Variants in TRNAU1AP observed in about 807,000 individuals in gnomAD.
TRNAU1AP encodes the protein tRNA selenocysteine 1-associated protein 1.
In TRNAU1AP, 33 loss-of-function variants were observed where a neutral mutation model predicts 43.3. That is an observed-to-expected ratio of 0.76 (90% confidence interval 0.58 to 1.02). The LOEUF is 1.02. Among genes scored for constraint, TRNAU1AP ranks in the 50% least tolerant of loss-of-function variants. The probability of loss-of-function intolerance (pLI) is 0.00; values close to 1 mark genes in which losing one functional copy is unlikely to be tolerated. For missense variants in TRNAU1AP, 290 were observed against 362.7 expected, an observed-to-expected ratio of 0.80 and a Z score of 1.63; for synonymous variants, 143 against 129.1, an observed-to-expected ratio of 1.11 and a Z score of -0.73.
intron 6 of TRNAU1AP, 30 bp from the exon 7 acceptor site, chr1:28,571,146 C>T (rs1665653774): frequency 1.2e-6 from 2 of 1,610,406 alleles, no homozygotes; most frequent in South Asian, 1.1e-5. Flanking sequence ...TGTTTGCTTA[C>T]ACTTATTTTT....
chr1:28,571,807 C>G, intron 7 of TRNAU1AP, 60 bp from the exon 8 acceptor site: 1 of 1,329,958 alleles, frequency 7.5e-7, no homozygotes, highest in Non-Finnish European at 1.1e-6. Context: ...ATATAAGCCA[C>G]TGTGGTCCTG....
rs202229934 is a variant in TRNAU1AP, at chr1:28,577,600, G to A, written c.828G>A (p.Leu276=). The A allele has an allele frequency of 4.3e-6, 7 of 1,614,150 alleles. No homozygotes were observed. The East Asian group carries it at 1.1e-4, about 26-fold the overall frequency. ...TGATGGACTGTCACTGGCAGCCCCT[G>A]GACACAGTGTCTTCAGAGATCCCTG... ...DALMDCHWQP[L]DTVSSEIPAM... is the part of the protein sequence containing the mutation. The change falls in exon 9 of 9, where the codon CTG becomes CTA. Residue 276 remains leucine (L), a synonymous_variant. Coordinates refer to ENST00000373830, the MANE Select transcript of TRNAU1AP (RefSeq NM_017846.5).
intron 8 of TRNAU1AP, among the ~76,000 whole-genome samples, chr1:28,573,178 C>T (rs905522303): frequency 2.0e-5 from 3 of 149,814 alleles, no homozygotes; most frequent in African/African-American, 7.3e-5. Context: ...GGATTTCAGG[C>T]ACATGCCACC....
chr1:28,572,813 T>G (rs1665690191), intron 8 of TRNAU1AP, among the ~76,000 whole-genome samples: 1 of 151,206 alleles, frequency 6.6e-6, no homozygotes, highest in Non-Finnish European at 1.5e-5. Context: ...TGGGCGCCTG[T>G]AGTCCCAGCT....
chr1:28,570,156 C>T (rs1284833866), intron 6 of TRNAU1AP, among the ~76,000 whole-genome samples: 1 of 152,036 alleles, frequency 6.6e-6, no homozygotes, highest in Admixed American at 6.5e-5. Flanking sequence ...GCTAAAAGTA[C>T]AAAAATTAGC....
chr1:28,559,517 A>G (rs537932356), intron 2 of TRNAU1AP, among the ~76,000 whole-genome samples: 26 of 152,074 alleles, frequency 1.7e-4, no homozygotes, highest in African/African-American at 5.3e-4. Context: ...AATTCCAGCT[A>G]CTTGGGAGGC....
chr1:28,574,732 C>CA (rs1201205134), intron 8 of TRNAU1AP: 3 of 152,134 alleles, frequency 2.0e-5, no homozygotes, highest in Non-Finnish European at 4.4e-5. Context: ...CAAAAAGACT[C>CA]AAAGTTTGAA....
intron 4 of TRNAU1AP, among the ~76,000 whole-genome samples, chr1:28,563,472 C>G (rs1018854460): frequency 1.3e-5 from 2 of 151,862 alleles, no homozygotes; most frequent in Non-Finnish European, 2.9e-5. Context: ...CACCTGCGGT[C>G]GGGAGTTCGA....
At chr1:28,574,698 C>G (rs1484348694) in intron 8 of TRNAU1AP, 1 of 152,200 alleles carries the variant, frequency 6.6e-6, no homozygotes, top group African/African-American at 2.4e-5. Flanking sequence ...GCCACTGCTC[C>G]TGGCCAAAAC....
intron 2 of TRNAU1AP, among the ~76,000 whole-genome samples, chr1:28,559,348 G>T (rs891478778): frequency 2.0e-5 from 3 of 152,144 alleles, no homozygotes; most frequent in Non-Finnish European, 2.9e-5. Flanking sequence ...ATATTCTGAG[G>T]CTGGGTGCGG....
intron 6 of TRNAU1AP, among the ~76,000 whole-genome samples, chr1:28,570,711 CCT>C (rs1490200758): frequency 6.6e-6 from 1 of 152,096 alleles, no homozygotes; most frequent in Non-Finnish European, 1.5e-5. Flanking sequence ...AATTACTTAA[CCT>C]CTCTGTTCCT....
intron 2 of TRNAU1AP, among the ~76,000 whole-genome samples, chr1:28,557,423 AAAAAG>A (rs1158915354): frequency 1.3e-5 from 2 of 151,672 alleles, no homozygotes; most frequent in African/African-American, 2.4e-5. Flanking sequence ...CTGTCTCAAA[AAAAAG>A]AAAAGAAATA....
In TRNAU1AP at chr1:28,567,331, C is replaced by G; in HGVS notation, c.448C>G (p.Gln150Glu). ...TGTGAAATTCACAGATGAACTGGAACAGAAGCGAGCCCTGACGGAGTGCCA... is the reference window on the plus strand; with the variant it reads ...TGTGAAATTCACAGATGAACTGGAAGAGAAGCGAGCCCTGACGGAGTGCCA... ...GFVKFTDELE[Q>E]KRALTECQGA... is the part of the protein sequence containing the mutation. The change falls in exon 6 of 9, where the codon CAG becomes GAG. Residue 150 changes from glutamine (Q) to glutamate (E), a missense_variant. Transcript: ENST00000373830. 3 of 1,613,796 alleles carry G rather than the reference C, an allele frequency of 1.9e-6. No individual in the cohort carries two copies. The highest frequency in any genetic ancestry group is 2.5e-6 in the Non-Finnish European group (3 of 1,179,946).
intron 8 of TRNAU1AP, 150 bp downstream of exon 8, chr1:28,572,050 G>A: frequency 1.3e-6 from 1 of 749,648 alleles, no homozygotes; most frequent in South Asian, 1.6e-5. Flanking sequence ...ATGTAATTAT[G>A]GTAAGATGTG....
chr1:28,561,302 A>G (rs1185493584), intron 3 of TRNAU1AP, 44 bp from the exon 4 acceptor site: 1 of 1,612,908 alleles, frequency 6.2e-7, no homozygotes, highest in Non-Finnish European at 8.5e-7. Flanking sequence ...TCAACTCTTG[A>G]AACACCTTTC....
At position 28,571,334 on chromosome 1, in the gene TRNAU1AP, T is replaced by G; in HGVS notation, c.689T>G (p.Met230Arg). ...CAGTATGGCTATACCCAGAGCACCA[T>G]GCAGGTAACCATGACTTGGCAAGAC... ...YPQYGYTQSTMQTYEEVGDDA... is the reference protein window; with the variant it reads ...YPQYGYTQSTRQTYEEVGDDA... Residue 230 changes from methionine (M) to arginine (R), a missense_variant, in exon 7 of 9, where the codon ATG becomes AGG. By Grantham distance (91) the Met-to-Arg change is moderately conservative. Transcript: ENST00000373830. 1 of 1,613,842 alleles carries G rather than the reference T, an allele frequency of 6.2e-7. No individual in the cohort carries two copies. The highest frequency in any genetic ancestry group is 8.5e-7 in the Non-Finnish European group (1 of 1,179,812).
intron 2 of TRNAU1AP, among the ~76,000 whole-genome samples, chr1:28,559,250 T>G (rs1386159869): frequency 6.6e-6 from 1 of 152,060 alleles, no homozygotes; most frequent in Non-Finnish European, 1.5e-5. Context: ...TTTTTGAGTC[T>G]CTTTTAATGT....
In TRNAU1AP at chr1:28,578,262, C is replaced by A; in HGVS notation, c.*626C>A. ...AATATTTTGACACGGGAGAAGGCAG[C>A]TCAGAAAGGATTAAGGAAGATAGCT... On this transcript the variant is annotated 3_prime_UTR_variant, in exon 9 of 9. Transcript: ENST00000373830. 6.2e-6 allele frequency: 1 copy of A among 160,436 alleles called. No homozygotes were observed. Among genetic ancestry groups the A allele is most frequent in the Non-Finnish European group, 1.4e-5 (1 of 72,710 alleles). The allele number at this position is 160,436 out of a possible 1,614,324, so 9.9% of individuals were successfully genotyped here.
intron 2 of TRNAU1AP, among the ~76,000 whole-genome samples, chr1:28,556,637 G>A (rs867186613): frequency 6.6e-6 from 1 of 151,112 alleles, no homozygotes; most frequent in Admixed American, 6.6e-5. Context: ...TCAGACTCCT[G>A]AGTAGCTGGG....
Sources: gnomAD v4.1 joint callset for allele counts (sites outside exome capture counted in the v4.1 genomes callset) on GRCh38, gnomAD v4.1.1 for gene constraint, MANE v1.5 for transcripts, NCBI Gene and HGNC (gene_info 2026-07-23, HGNC 2026-07-21) for gene names.